Variants in SORL1 observed in about 807,000 individuals in gnomAD.
SORL1 encodes sortilin related receptor 1.
A neutral mutation model predicts 273.7 loss-of-function variants in SORL1; 127 were observed. The ratio of observed to expected loss-of-function variants is 0.46; its 90% CI spans 0.40 to 0.54. SORL1 has a LOEUF of 0.54. Among genes scored for constraint, SORL1 ranks in the 20% least tolerant of loss-of-function variants. The probability of loss-of-function intolerance (pLI) is 0.00; values close to 1 mark genes in which losing one functional copy is unlikely to be tolerated. For synonymous variants in SORL1, 1,031 were observed against 1,067.4 expected, an observed-to-expected ratio of 0.97 and a Z score of 0.66; for missense variants, 2,494 against 2,846.1, an observed-to-expected ratio of 0.88 and a Z score of 2.81.
intron 5 of SORL1, among the ~76,000 whole-genome samples, chr11:121,492,626 G>A (rs896931007): frequency 6.6e-6 from 1 of 152,078 alleles, no homozygotes; most frequent in African/African-American, 2.4e-5. Context: ...CCTTAAAATT[G>A]TAACTTTGGT....
chr11:121,458,299 T>C (rs996994706), intron 1 of SORL1, among the ~76,000 whole-genome samples: 2 of 152,218 alleles, frequency 1.3e-5, no homozygotes, highest in African/African-American at 4.8e-5. Flanking sequence ...GTTTGGAGTT[T>C]AGAATTTGCG....
chr11:121,574,403 G>T (rs759909401), intron 24 of SORL1, 40 bp downstream of exon 24: 1 of 1,602,010 alleles, frequency 6.2e-7, no homozygotes, highest in Non-Finnish European at 8.5e-7. Context: ...CTCTGGAGAG[G>T]GGGGTCATTG....
rs748451681 is a variant in SORL1, at chr11:121,605,109, C to G, written c.4652-4C>G. On this transcript the variant is annotated splice_region_variant and splice_polypyrimidine_tract_variant and intron_variant, in intron 33 of 47. Transcript: ENST00000260197. ...GTTTGTCTTTTTCTCCTTTATCTCT[C>G]TAGATGAGTTGACTGTGTACAAAGT... The G allele has an allele frequency of 1.9e-6, 3 of 1,608,428 alleles. No homozygotes were observed. The South Asian group carries it at 3.3e-5, about 18-fold the overall frequency.
At chr11:121,558,461 A>G (rs550297196) in intron 19 of SORL1, 130 bp from the exon 20 acceptor site, 76 of 910,736 alleles carry the variant, frequency 8.3e-5, no homozygotes, top group Non-Finnish European at 1.2e-4. Context: ...GTCATTACAT[A>G]TTGTTATAAT....
At chr11:121,625,333 G>T in intron 46 of SORL1, 56 bp downstream of exon 46, 1 of 1,380,192 alleles carries the variant, frequency 7.2e-7, no homozygotes, top group Non-Finnish European at 1.0e-6. Flanking sequence ...TAGCAAGAAT[G>T]TCATATGGTT....
chr11:121,598,555 T>C (rs545114478), intron 32 of SORL1, among the ~76,000 whole-genome samples: 177 of 152,324 alleles, frequency 1.2e-3, no homozygotes, highest in Admixed American at 2.4e-3. Context: ...GGCATTCTTG[T>C]CTTCCTTTTC....
In SORL1 at chr11:121,543,583, T is replaced by A. The variant is rs1862379247; in HGVS notation, c.1721T>A (p.Phe574Tyr). 6.2e-6 allele frequency: 10 copies of A among 1,614,062 alleles called. No individual in the cohort carries two copies. The highest frequency in any genetic ancestry group is 8.5e-6 in the Non-Finnish European group (10 of 1,179,920). Residue 574 changes from phenylalanine to tyrosine, a missense_variant, in exon 13 of 48, where the codon TTC becomes TAC. By Grantham distance (22) the Phe-to-Tyr change is conservative (BLOSUM62 3). Transcript: ENST00000260197. ...STNEGETWKT[F>Y]IFSEKPVFVY... Reference sequence around the variant, plus strand: ...AATGAAGGGGAGACCTGGAAAACATTCATCTTCTCTGAGAAGCCAGTGTTT... The same window carrying A: ...AATGAAGGGGAGACCTGGAAAACATACATCTTCTCTGAGAAGCCAGTGTTT...
intron 8 of SORL1, among the ~76,000 whole-genome samples, chr11:121,518,008 G>T (rs1482482628): frequency 1.3e-5 from 2 of 152,248 alleles, no homozygotes; most frequent in African/African-American, 4.8e-5. Flanking sequence ...TGGAGAAAGA[G>T]CTCTTTCTAG....
At chr11:121,525,886 G>C (rs1316891159) in intron 11 of SORL1, among the ~76,000 whole-genome samples, 1 of 152,080 alleles carries the variant, frequency 6.6e-6, no homozygotes, top group African/African-American at 2.4e-5. Flanking sequence ...AAAATAGCCA[G>C]GCATGGTGGT....
intron 5 of SORL1, 40 bp from the exon 6 acceptor site, chr11:121,496,829 A>G (rs775693175): frequency 6.4e-7 from 1 of 1,557,048 alleles, no homozygotes; most frequent in South Asian, 1.2e-5. Context: ...TAGTAATTAA[A>G]TGTGCAAATG....
chr11:121,483,562 A>G (rs1861427564), intron 3 of SORL1, among the ~76,000 whole-genome samples: 1 of 152,186 alleles, frequency 6.6e-6, no homozygotes, highest in African/African-American at 2.4e-5. Flanking sequence ...CAAAGGAGGA[A>G]GCTCCTCTGG....
chr11:121,546,810 C>A (rs1050068003), intron 14 of SORL1: 3 of 152,220 alleles, frequency 2.0e-5, no homozygotes, highest in Non-Finnish European at 4.4e-5. Context: ...TTGGCCACTT[C>A]TGTTCTCAAC....
chr11:121,527,217 C>T (rs1030357313), intron 11 of SORL1, among the ~76,000 whole-genome samples: 1 of 150,536 alleles, frequency 6.6e-6, no homozygotes, highest in African/African-American at 2.4e-5. Flanking sequence ...TTATCATAAT[C>T]AGATACTGGA....
intron 21 of SORL1, among the ~76,000 whole-genome samples, chr11:121,564,269 T>C (rs1161965026): frequency 3.3e-5 from 5 of 152,210 alleles, no homozygotes; most frequent in African/African-American, 1.2e-4. Context: ...CCATTTTCCA[T>C]TCTCTGGCTT....
At chr11:121,523,178 A>G (rs1862066932) in intron 11 of SORL1, among the ~76,000 whole-genome samples, 189 bp downstream of exon 11, 1 of 152,220 alleles carries the variant, frequency 6.6e-6, no homozygotes, top group African/African-American at 2.4e-5. Flanking sequence ...TAAATTAAAC[A>G]CAGACCTTTG....
chr11:121,628,504 C>A (rs1863830510), intron 47 of SORL1, among the ~76,000 whole-genome samples: 1 of 152,196 alleles, frequency 6.6e-6, no homozygotes, highest in South Asian at 2.1e-4. Context: ...AATGCTCTGA[C>A]TCACCACTCA....
At chr11:121,602,191 G>C (rs1246494576) in intron 32 of SORL1, among the ~76,000 whole-genome samples, 1 of 152,068 alleles carries the variant, frequency 6.6e-6, no homozygotes, top group Admixed American at 6.5e-5. Context: ...CCCCACCATG[G>C]CAAACCAATT....
Position 121,567,317 on chromosome 11 carries a change from C to T in SORL1, c.3223+204C>T, listed in dbSNP as rs182955121. Among the ~76,000 whole-genome samples the T allele has an allele frequency of 2.7e-3, 408 of 152,310 alleles. 1 individual carries two copies. Among genetic ancestry groups the T allele is most frequent in the Non-Finnish European group, 4.7e-3 (322 of 68,028 alleles). ...TAAGGGTCAAAGAGGCCCTTCAGTC[C>T]TCACTCAGAACAGGCCTATGCTGTA... On this transcript the variant is annotated intron_variant, in intron 22 of 47. Coordinates refer to ENST00000260197, the MANE Select transcript of SORL1 (RefSeq NM_003105.6).
Position 121,503,203 on chromosome 11 carries a change from A to AT in SORL1, c.939+6163dup, listed in dbSNP as rs1001030646. 3.1e-4 allele frequency among the ~76,000 whole-genome samples: 46 copies of AT among 149,932 alleles called. No individual in the cohort carries two copies. In the South Asian group the frequency reaches 3.2e-3, roughly 10 times the overall value. ...AATTTTGATGAAGTTCAGTTTATCC[A>AT]TTTTTTTTTGCTGCCTGTGCTGTTG... On this transcript the variant is annotated intron_variant, in intron 6 of 47. Coordinates refer to ENST00000260197, the MANE Select transcript of SORL1 (RefSeq NM_003105.6).
Sources: allele counts gnomAD v4.1 joint callset (sites outside exome capture counted in the v4.1 genomes callset), GRCh38; gene constraint gnomAD v4.1.1; transcripts MANE v1.5; gene names NCBI Gene and HGNC (gene_info 2026-07-23, HGNC 2026-07-21).